The following DOCK7 variants were observed in gnomAD, a reference collection of about 807,000 sequenced individuals.
The protein encoded by DOCK7 is dedicator of cytokinesis 7.
In DOCK7, 138 loss-of-function variants were observed where a neutral mutation model predicts 271.0. That is an observed-to-expected ratio of 0.51 (90% CI 0.44 to 0.59). DOCK7 has a LOEUF of 0.59. Among genes scored for constraint, DOCK7 ranks in the 20% least tolerant of loss-of-function variants. The pLI is 0.00. For synonymous variants in DOCK7, 823 were observed against 876.1 expected (o/e 0.94, Z 1.07); for missense variants, 2,066 against 2,592.4 (o/e 0.80, Z 4.41).
chr1:62,619,297 T>A (rs1454624474), intron 13 of DOCK7, among the ~76,000 whole-genome samples: 2 of 152,238 alleles, frequency 1.3e-5, no homozygotes, highest in African/African-American at 4.8e-5. Context: ...ACCATTCTAT[T>A]ACCATTCTAG....
At chr1:62,523,791 T>G (rs1644920236) in intron 31 of DOCK7, among the ~76,000 whole-genome samples, 1 of 152,050 alleles carries the variant, frequency 6.6e-6, no homozygotes, top group South Asian at 2.1e-4. Flanking sequence ...GGTGTGAACC[T>G]GGGAGGCAGA....
chr1:62,549,218 G>GA lies in DOCK7; in HGVS notation c.2766+3513dup, dbSNP rs1454219600. On this transcript the variant is annotated intron_variant, in intron 22 of 49. Transcript: ENST00000635253. ...CCAAATAAATGAATAAATCACAGAG[G>GA]AAAAAAAAATTTAACTGTGTGAAAA... is the stretch of plus-strand genomic sequence containing the variant. 7.9e-5 allele frequency among the ~76,000 whole-genome samples: 12 copies of GA among 151,540 alleles called. No individual in the cohort carries two copies. In the East Asian group the frequency reaches 1.7e-3, roughly 22 times the overall value.
chr1:62,584,099 A>G, intron 15 of DOCK7: 1 of 943,302 alleles, frequency 1.1e-6, no homozygotes, highest in Non-Finnish European at 1.3e-6. Context: ...CCATCAACAC[A>G]ACTGGTAAAA....
At chr1:62,519,792 T>G (rs996368871) in intron 31 of DOCK7, among the ~76,000 whole-genome samples, 2 of 152,140 alleles carry the variant, frequency 1.3e-5, no homozygotes, top group East Asian at 3.8e-4. Flanking sequence ...AATGCCTGTA[T>G]AGCCAAGACA....
At chr1:62,679,844 C>G (rs967091200) in intron 1 of DOCK7, among the ~76,000 whole-genome samples, 7 of 152,148 alleles carry the variant, frequency 4.6e-5, no homozygotes, top group African/African-American at 1.7e-4. Context: ...TGTGAAGGAC[C>G]TCTTCAAGGA....
At chr1:62,563,402 C>T (rs1011293082) in intron 18 of DOCK7, among the ~76,000 whole-genome samples, 1 of 151,996 alleles carries the variant, frequency 6.6e-6, no homozygotes, top group Non-Finnish European at 1.5e-5. Flanking sequence ...TCATCAGACA[C>T]CAATACTAAG....
intron 7 of DOCK7, among the ~76,000 whole-genome samples, chr1:62,638,806 T>C (rs1006769728): frequency 6.6e-6 from 1 of 151,442 alleles, no homozygotes. Flanking sequence ...GAAACAGATA[T>C]CCAACTGTCC....
intron 31 of DOCK7, among the ~76,000 whole-genome samples, chr1:62,516,584 C>A (rs1644668714): frequency 6.6e-6 from 1 of 152,142 alleles, no homozygotes; most frequent in African/African-American, 2.4e-5. Context: ...TCCCAGAGTT[C>A]TACATTTTCT....
chr1:62,458,129 C>T (rs115565297), intron 48 of DOCK7: 2,677 of 182,904 alleles, frequency 0.015, 78 homozygotes, highest in African/African-American at 0.06. Flanking sequence ...CCAGCCAGGG[C>T]AACAGAGTGG....
chr1:62,517,235 C>T (rs910617030), intron 31 of DOCK7, among the ~76,000 whole-genome samples: 4 of 152,134 alleles, frequency 2.6e-5, no homozygotes, highest in African/African-American at 9.7e-5. Context: ...ATGGCATGTT[C>T]CCCTAAATTT....
rs1399319999 is a variant in DOCK7 at position 62,535,597 on chromosome 1, C to T, written c.3507G>A (p.Lys1169=). ...SGFSTNVQDQ[K]IANMFELSVP... is the part of the protein sequence containing the mutation. ...CGGATAATTCAAACATATTTGCAAT[C>T]TTTTGGTCTTGTACATTCGTAGAAA... The change falls in exon 29 of 50, where the codon AAG becomes AAA. Residue 1169 remains lysine (K), a synonymous_variant. Coordinates refer to ENST00000635253, the MANE Select transcript of DOCK7 (RefSeq NM_001367561.1). 6.2e-7 allele frequency: 1 copy of T among 1,613,884 alleles called. No individual in the cohort carries two copies. Among genetic ancestry groups the T allele is most frequent in the Admixed American group, 1.7e-5 (1 of 59,984 alleles).
chr1:62,521,126 C>T (rs1300480442), intron 31 of DOCK7, among the ~76,000 whole-genome samples: 1 of 151,792 alleles, frequency 6.6e-6, no homozygotes, highest in Non-Finnish European at 1.5e-5. Flanking sequence ...AGGGGAGGGA[C>T]AGCATTAGGA....
chr1:62,525,929 T>C lies in DOCK7; in HGVS notation c.3936+2222A>G, dbSNP rs555060124. 7.2e-4 allele frequency among the ~76,000 whole-genome samples: 110 copies of C among 152,316 alleles called. 1 individual carries two copies. The highest frequency in any genetic ancestry group is 3.7e-3 in the Admixed American group (57 of 15,302). ...TACATAAAGAACTCTTAAGAAATCTTAAAATAGCAACCTTTTTTTTCTTTT... is the reference window on the plus strand; with the variant it reads ...TACATAAAGAACTCTTAAGAAATCTCAAAATAGCAACCTTTTTTTTCTTTT... On this transcript the variant is annotated intron_variant, in intron 31 of 49. Transcript: ENST00000635253.
chr1:62,602,648 A>G (rs911183089), intron 14 of DOCK7, among the ~76,000 whole-genome samples: 5 of 151,680 alleles, frequency 3.3e-5, no homozygotes. Context: ...GATCATAACT[A>G]TAATTATTAA....
intron 37 of DOCK7, among the ~76,000 whole-genome samples, chr1:62,498,978 T>A (rs1646702295): frequency 6.6e-6 from 1 of 152,070 alleles, no homozygotes; most frequent in African/African-American, 2.4e-5. Flanking sequence ...ATTTTTATAT[T>A]TTTAGTAGAG....
At chr1:62,525,380 C>T (rs1301150397) in intron 31 of DOCK7, among the ~76,000 whole-genome samples, 1 of 152,084 alleles carries the variant, frequency 6.6e-6, no homozygotes, top group Non-Finnish European at 1.5e-5. Context: ...TGGTGGGTTG[C>T]TGTGGTTGAG....
chr1:62,529,318 C>G lies in DOCK7; in HGVS notation c.3740G>C (p.Gly1247Ala), dbSNP rs775726299. ...RVAMLYLPLIGIIMETVPQLY... is the reference protein window; with the variant it reads ...RVAMLYLPLIAIIMETVPQLY... The stretch of plus-strand genomic sequence containing the variant: ...CTGAGGTACAGTTTCCATGATAATA[C>G]CAATCAGAGGTAGATACAACATGGC... Residue 1247 changes from glycine to alanine, a missense_variant, in exon 30 of 50, where the codon GGT (glycine) becomes GCT (alanine). This residue lies in a region of DOCK7 where 1,414 missense variants were observed against 1,670.4 expected (regional missense o/e 0.85). Transcript: ENST00000635253. The G allele has an allele frequency of 6.2e-7, 1 of 1,612,146 alleles. No homozygotes were observed. Among genetic ancestry groups the G allele is most frequent in the Admixed American group, 1.7e-5 (1 of 59,478 alleles).
At chr1:62,635,535 CAA>C (rs56366952) in intron 8 of DOCK7, 142 of 133,668 alleles carry the variant, frequency 1.1e-3, no homozygotes, top group African/African-American at 3.5e-3. Context: ...GACTCAATCT[CAA>C]AAAAAAAAAA....
At chr1:62,527,773 T>C (rs181271244) in intron 31 of DOCK7, among the ~76,000 whole-genome samples, 1 of 150,148 alleles carries the variant, frequency 6.7e-6, no homozygotes, top group African/African-American at 2.5e-5. Context: ...ATATACCTAA[T>C]GTTAAATGAC....
Sources: allele counts gnomAD v4.1 joint callset (sites outside exome capture counted in the v4.1 genomes callset), GRCh38; gene constraint gnomAD v4.1.1; regional missense constraint gnomAD v4.1.1; transcripts MANE v1.5; gene names NCBI Gene and HGNC (gene_info 2026-07-23, HGNC 2026-07-21).